The following PDE7B variants were observed in gnomAD, a reference collection of about 807,000 sequenced individuals.
PDE7B encodes 3',5'-cyclic-AMP phosphodiesterase 7B.
Under a neutral mutation model 56.2 loss-of-function variants are expected in PDE7B, and 29 were observed. That is an observed-to-expected ratio of 0.52 (90% confidence interval 0.38 to 0.70). PDE7B has a LOEUF of 0.70. Ranked by LOEUF, PDE7B falls within the 30% of genes least tolerant of loss-of-function variation. The probability of loss-of-function intolerance (pLI) is 0.00; values close to 1 mark genes in which losing one functional copy is unlikely to be tolerated. For missense variants in PDE7B, 490 were observed against 565.0 expected (o/e 0.87, Z 1.35); for synonymous variants, 197 against 196.9 (o/e 1.00, Z 0.00).
intron 9 of PDE7B, among the ~76,000 whole-genome samples, chr6:136,176,533 A>G (rs1410019587): frequency 6.6e-6 from 1 of 152,074 alleles, no homozygotes; most frequent in East Asian, 1.9e-4. Flanking sequence ...TAATCTCATA[A>G]ATTTTTGTGA....
At chr6:136,006,327 C>T (rs989752506) in intron 2 of PDE7B, among the ~76,000 whole-genome samples, 6 of 151,948 alleles carry the variant, frequency 3.9e-5, no homozygotes, top group Admixed American at 2.0e-4. Flanking sequence ...GTACATTGTG[C>T]ACATGTACCC....
In PDE7B at chr6:136,155,681, G is replaced by C; in HGVS notation, c.634G>C (p.Ala212Pro). The C allele has an allele frequency of 6.2e-7, 1 of 1,613,582 alleles. No homozygotes were observed. Among genetic ancestry groups the C allele is most frequent in the Non-Finnish European group, 8.5e-7 (1 of 1,179,586 alleles). ...DIMLGLLAAA[A>P]HDVDHPGVNQ... ...CATGCTTGGACTGCTGGCTGCAGCAGCACACGATGTGGACCACCCAGGGGT... is the reference window on the plus strand; with the variant it reads ...CATGCTTGGACTGCTGGCTGCAGCACCACACGATGTGGACCACCCAGGGGT... The change falls in exon 8 of 13, where the codon GCA becomes CCA. Residue 212 changes from alanine (A) to proline (P), a missense_variant. Ala to Pro is a conservative substitution (Grantham distance 27, BLOSUM62 -1). Transcript: ENST00000308191.
intron 7 of PDE7B, 70 bp from the exon 8 acceptor site, chr6:136,155,557 T>G (rs1778589295): frequency 2.4e-5 from 33 of 1,363,700 alleles, no homozygotes; most frequent in Non-Finnish European, 3.3e-5. Context: ...TGTGTTTGAT[T>G]TAGCCAAAAT....
At chr6:135,968,124 A>T (rs55723369) in intron 2 of PDE7B, among the ~76,000 whole-genome samples, 2,048 of 152,252 alleles carry the variant, frequency 0.013, 47 homozygotes, top group African/African-American at 0.047. Flanking sequence ...TTCAAACTGA[A>T]CCCCTTCCTT....
At chr6:135,961,267 G>GTGTGTGTGTA (rs1774895039) in intron 2 of PDE7B, among the ~76,000 whole-genome samples, 4 of 142,358 alleles carry the variant, frequency 2.8e-5, no homozygotes, top group African/African-American at 1.1e-4. Flanking sequence ...GTGTGTGTGT[G>GTGTGTGTGTA]TGTGTGTGTG....
At chr6:135,958,366 C>G (rs1583795525) in intron 2 of PDE7B, among the ~76,000 whole-genome samples, 2 of 152,262 alleles carry the variant, frequency 1.3e-5, no homozygotes, top group Non-Finnish European at 2.9e-5. Context: ...TCAAACTGTA[C>G]TTTTTAAAAT....
chr6:136,007,940 G>A (rs956295344), intron 2 of PDE7B, among the ~76,000 whole-genome samples: 12 of 151,622 alleles, frequency 7.9e-5, no homozygotes, highest in African/African-American at 1.2e-4. Flanking sequence ...CCAGTAACTC[G>A]TCATTTAACA....
intron 3 of PDE7B, among the ~76,000 whole-genome samples, chr6:136,132,373 C>A (rs1430531460): frequency 6.6e-6 from 1 of 152,050 alleles, no homozygotes; most frequent in Non-Finnish European, 1.5e-5. Flanking sequence ...TGCCTTATGT[C>A]TCCACTCTTT....
intron 2 of PDE7B, chr6:136,044,332 G>A (rs567168836): frequency 2.0e-5 from 3 of 152,072 alleles, no homozygotes; most frequent in East Asian, 1.9e-4. Flanking sequence ...AAGATCTGTT[G>A]CATGTCAGCC....
intron 2 of PDE7B, chr6:136,038,391 G>A (rs1262804544): frequency 7.7e-7 from 1 of 1,291,468 alleles, no homozygotes; most frequent in Admixed American, 2.3e-5. Flanking sequence ...CGGCCGGGGT[G>A]CCAGCAGGGG....
chr6:136,194,931 C>A lies in PDE7B; in HGVS notation c.*3091C>A, dbSNP rs1448831565. ...AATCCCACAGCTATTGGATCATCCA[C>A]AGATTTTTTCTTTACAATCTTGTTC... On this transcript the variant is annotated 3_prime_UTR_variant, in exon 13 of 13. Coordinates refer to ENST00000308191, the MANE Select transcript of PDE7B (RefSeq NM_018945.4). 1.3e-5 allele frequency: 2 copies of A among 152,184 alleles called. No individual in the cohort carries two copies. Among genetic ancestry groups the A allele is most frequent in the African/African-American group, 4.8e-5 (2 of 41,450 alleles). The allele number at this position is 152,184 out of a possible 1,614,324, so 9.4% of individuals were successfully genotyped here.
chr6:135,909,064 A>G (rs1346970924), intron 1 of PDE7B, among the ~76,000 whole-genome samples: 3 of 152,220 alleles, frequency 2.0e-5, no homozygotes. Flanking sequence ...AGTTATGACA[A>G]TATTTGAGAA....
chr6:135,954,224 A>T (rs1774750465), intron 2 of PDE7B, among the ~76,000 whole-genome samples: 1 of 152,034 alleles, frequency 6.6e-6, no homozygotes, highest in Admixed American at 6.6e-5. Flanking sequence ...AGAAGTAAGG[A>T]CTCCGTTTCA....
At chr6:135,924,617 CTTTTTTTTTTTT>C (rs3037775) in intron 1 of PDE7B, among the ~76,000 whole-genome samples, 1 of 49,582 alleles carries the variant, frequency 2.0e-5, no homozygotes, top group East Asian at 8.2e-4. Context: ...CTCTCTCTCT[CTTTTTTTTTTTT>C]TTTTTTTTTT....
At chr6:135,866,599 C>T (rs887563630) in intron 1 of PDE7B, among the ~76,000 whole-genome samples, 7 of 152,176 alleles carry the variant, frequency 4.6e-5, no homozygotes, top group Admixed American at 1.3e-4. Context: ...ATTTGGCATA[C>T]TACACTATTG....
At chr6:136,167,506 G>A (rs967240343) in intron 8 of PDE7B, among the ~76,000 whole-genome samples, 2 of 152,140 alleles carry the variant, frequency 1.3e-5, no homozygotes, top group Non-Finnish European at 1.5e-5. Context: ...TGTAAGATGT[G>A]ACTTGCTCCT....
chr6:136,104,362 T>C (rs568704306), intron 2 of PDE7B, among the ~76,000 whole-genome samples: 1 of 152,212 alleles, frequency 6.6e-6, no homozygotes, highest in Non-Finnish European at 1.5e-5. Context: ...ACTCAATGAA[T>C]AGTCAAAATA....
chr6:135,970,768 T>C (rs1262298088), intron 2 of PDE7B, among the ~76,000 whole-genome samples: 1 of 152,144 alleles, frequency 6.6e-6, no homozygotes, highest in East Asian at 1.9e-4. Context: ...ACTACGACAT[T>C]CGTCAGGGCT....
At chr6:136,103,455 G>A (rs1777597311) in intron 2 of PDE7B, among the ~76,000 whole-genome samples, 1 of 152,216 alleles carries the variant, frequency 6.6e-6, no homozygotes, top group Admixed American at 6.5e-5. Context: ...AGAGTAGTCA[G>A]CTGAAATAAA....
Sources: allele counts gnomAD v4.1 joint callset (sites outside exome capture counted in the v4.1 genomes callset), GRCh38; gene constraint gnomAD v4.1.1; transcripts MANE v1.5; gene names NCBI Gene and HGNC (gene_info 2026-07-23, HGNC 2026-07-21).